Variants in PPAN observed in about 807,000 individuals in gnomAD.
The protein encoded by PPAN is peter pan homolog.
A neutral mutation model predicts 48.5 loss-of-function variants in PPAN; 39 were observed. The observed-to-expected ratio is 0.80, with a 90% CI of 0.62 to 1.05. The LOEUF (loss-of-function observed/expected upper bound fraction) is 1.05, where lower values mean the gene tolerates loss of function less well. Ranked by LOEUF, PPAN falls within the 50% of genes least tolerant of loss-of-function variation. The pLI, the probability that PPAN is intolerant of heterozygous loss-of-function variation, is 0.00. For synonymous variants in PPAN, 315 were observed against 268.6 expected (o/e 1.17, Z -1.69); for missense variants, 736 against 661.7 (o/e 1.11, Z -1.23).
Position 10,107,969 on chromosome 19 carries a change from G to T in PPAN, c.348G>T (p.Ser116=). The T allele has an allele frequency of 6.2e-7, 1 of 1,607,484 alleles. No individual in the cohort carries two copies. Among genetic ancestry groups the T allele is most frequent in the Non-Finnish European group, 8.5e-7 (1 of 1,176,080 alleles). ...TCCTCTCTCCTGTCCTACAGTACTC[G>T]CTGGTGCGTGATGTGGTCTCCTCAC... is the stretch of plus-strand genomic sequence containing the variant. ...PTLTFQVKKY[S]LVRDVVSSLR... is the part of the protein sequence containing the mutation. Residue 116 remains serine, a synonymous_variant, in exon 5 of 12, where the codon TCG becomes TCT. Transcript: ENST00000253107.
chr19:10,111,715 C>T lies in PPAN; in HGVS notation c.*550C>T, dbSNP rs768529774. ...AGCAGACACAGGCTGAGGATCGGCA[C>T]GGGAGCATGGCAGCCAACGTCTCGG... On this transcript the variant is annotated 3_prime_UTR_variant, in exon 12 of 12. Transcript: ENST00000253107. 2.5e-5 allele frequency: 41 copies of T among 1,613,370 alleles called. No individual in the cohort carries two copies. The highest frequency in any genetic ancestry group is 3.0e-5 in the Non-Finnish European group (35 of 1,179,818).
chr19:10,107,769 C>G (rs373532835), intron 3 of PPAN, 35 bp from the exon 4 acceptor site: 2 of 1,613,482 alleles, frequency 1.2e-6, no homozygotes, highest in Admixed American at 1.7e-5. Flanking sequence ...TCTGCTAGAC[C>G]CCTCCAGAGT....
chr19:10,108,115 C>G lies in PPAN; in HGVS notation c.494C>G (p.Pro165Arg). The G allele has an allele frequency of 3.7e-6, 6 of 1,611,828 alleles. No homozygotes were observed. The highest frequency in any genetic ancestry group is 5.1e-6 in the Non-Finnish European group (6 of 1,178,682). ...LMATMFQNLF[P>R]SINVHKVNLN... ...GCCACCATGTTCCAGAACCTGTTCC[C>G]CTCCATCAACGTGCACAAGGTGGGT... The change falls in exon 5 of 12, where the codon CCC becomes CGC. Residue 165 changes from proline to arginine, a missense_variant. Physicochemically the swap from Pro to Arg is moderately radical, Grantham distance 103. Transcript: ENST00000253107.
chr19:10,106,291 C>T (rs1227051103), upstream of PPAN: 2 of 1,523,810 alleles, frequency 1.3e-6, no homozygotes, highest in Admixed American at 2.1e-5. Flanking sequence ...GTGCGCAGGC[C>T]CGCCTGATGT....
intron 5 of PPAN, among the ~76,000 whole-genome samples, chr19:10,108,928 C>T (rs1012341855): frequency 2.0e-5 from 3 of 151,010 alleles, no homozygotes; most frequent in Non-Finnish European, 2.9e-5. Context: ...ATCAGGGAGG[C>T]TAATACGGCT....
intron 2 of PPAN, 107 bp downstream of exon 2, chr19:10,106,778 C>A: frequency 7.0e-7 from 1 of 1,424,922 alleles, no homozygotes; most frequent in Non-Finnish European, 9.2e-7. Flanking sequence ...GTCTCCCCAG[C>A]TGGAAAAAAA....
chr19:10,109,187 C>T (rs928703319), intron 5 of PPAN, among the ~76,000 whole-genome samples: 1 of 152,018 alleles, frequency 6.6e-6, no homozygotes, highest in Non-Finnish European at 1.5e-5. Context: ...TGGTCTTGAT[C>T]TGACCTCGTG....
chr19:10,108,195 G>T, intron 5 of PPAN, 61 bp downstream of exon 5: 1 of 1,546,382 alleles, frequency 6.5e-7, no homozygotes, highest in African/African-American at 1.4e-5. Context: ...GGTGCCACAG[G>T]CCCTCAGATG....
chr19:10,111,956 A>T lies in PPAN; in HGVS notation c.*791A>T, dbSNP rs2089096172. ...GAAACCCCGTCTCTACTAAAAATAA[A>T]AAAATTAGCTGGGCCTGGTGGCACA... is the stretch of plus-strand genomic sequence containing the variant. On this transcript the variant is annotated 3_prime_UTR_variant, in exon 12 of 12. Coordinates refer to ENST00000253107, the MANE Select transcript of PPAN (RefSeq NM_020230.7). The T allele has an allele frequency of 1.9e-6, 1 of 531,562 alleles. No homozygotes were observed. The highest frequency in any genetic ancestry group is 1.9e-5 in the African/African-American group (1 of 51,736). 32.9% of individuals were successfully genotyped at this position (531,562 alleles called of 1,614,324 possible).
Position 10,111,271 on chromosome 19 carries a change from A to G in PPAN, c.*106A>G. The stretch of plus-strand genomic sequence containing the variant: ...AAGGAGTTGTGTCCCCAGCCCTTCC[A>G]CTCCAGTAAAGAACTGAATTGGCCA... On this transcript the variant is annotated 3_prime_UTR_variant, in exon 12 of 12. Transcript: ENST00000253107. 1 of 1,278,916 alleles carries G rather than the reference A, an allele frequency of 7.8e-7. No individual in the cohort carries two copies. The highest frequency in any genetic ancestry group is 1.0e-6 in the Non-Finnish European group (1 of 956,212). 79.2% of individuals were successfully genotyped at this position (1,278,916 alleles called of 1,614,324 possible). A position where few individuals can be genotyped will look rare whatever the true frequency, so the allele number is the denominator to read the frequency against.
intron 5 of PPAN, among the ~76,000 whole-genome samples, chr19:10,108,385 G>A (rs575885413): frequency 6.6e-6 from 1 of 152,242 alleles, no homozygotes; most frequent in East Asian, 1.9e-4. Context: ...ATGGAGCTCT[G>A]TTTCCCACGT....
In PPAN at chr19:10,109,708, G is replaced by C. The variant is rs1489077098; in HGVS notation, c.590+1G>C. 6.2e-7 allele frequency: 1 copy of C among 1,613,666 alleles called. No homozygotes were observed. The highest frequency in any genetic ancestry group is 8.5e-7 in the Non-Finnish European group (1 of 1,179,776). On this transcript the variant is annotated splice_donor_variant, in intron 6 of 11. Transcript: ENST00000253107. LOFTEE classifies it high-confidence loss of function. ...CCCAGGAGCTGGACTTCCGCCACTA[G>C]TGAGTGTCCCAGCAGGATGGGAGAC...
Position 10,111,248 on chromosome 19 carries a change from G to C in PPAN, c.*83G>C. ...GTGGCCCTCGGTTTCCTTTCATAAA[G>C]GAGTTGTGTCCCCAGCCCTTCCACT... On this transcript the variant is annotated 3_prime_UTR_variant, in exon 12 of 12. Transcript: ENST00000253107. The C allele has an allele frequency of 7.2e-7, 1 of 1,389,182 alleles. No homozygotes were observed. Among genetic ancestry groups the C allele is most frequent in the Non-Finnish European group, 9.5e-7 (1 of 1,051,496 alleles). The allele number at this position is 1,389,182 out of a possible 1,614,324, so 86.1% of individuals were successfully genotyped here.
chr19:10,109,615 C>T lies in PPAN; in HGVS notation c.514-16C>T, dbSNP rs761468342. 5 of 1,610,296 alleles carry T rather than the reference C, an allele frequency of 3.1e-6. No homozygotes were observed. The South Asian group carries it at 3.3e-5, about 11-fold the overall frequency. On this transcript the variant is annotated splice_polypyrimidine_tract_variant and intron_variant, in intron 5 of 11. Coordinates refer to ENST00000253107, the MANE Select transcript of PPAN (RefSeq NM_020230.7). ...CCATGAGTCTACTGGACTATGCTCT[C>T]TTCCTCCCCTTCCAGGTGAACCTGA...
At position 10,111,773 on chromosome 19, in the gene PPAN, G is replaced by A. The variant is rs767811914; in HGVS notation, c.*608G>A. 11 of 1,612,914 alleles carry A rather than the reference G, an allele frequency of 6.8e-6. No homozygotes were observed. Among genetic ancestry groups the A allele is most frequent in the Non-Finnish European group, 9.3e-6 (11 of 1,179,462 alleles). On this transcript the variant is annotated 3_prime_UTR_variant, in exon 12 of 12. Coordinates refer to ENST00000253107, the MANE Select transcript of PPAN (RefSeq NM_020230.7). Reference sequence around the variant, plus strand: ...GAAGGCATGTTGGCTGTCTCTGGGGGTCTGCAGATTGTCAGGAGGTGGGGG... The same window carrying A: ...GAAGGCATGTTGGCTGTCTCTGGGGATCTGCAGATTGTCAGGAGGTGGGGG...
At chr19:10,108,226 G>A (rs1418379920) in intron 5 of PPAN, 92 bp downstream of exon 5, 39 of 1,488,438 alleles carry the variant, frequency 2.6e-5, no homozygotes, top group Non-Finnish European at 2.7e-5. Context: ...TCCTCCCAGC[G>A]CTGAGACTGG....
intron 5 of PPAN, 68 bp downstream of exon 5, chr19:10,108,202 G>A: frequency 6.5e-7 from 1 of 1,542,280 alleles, no homozygotes; most frequent in Non-Finnish European, 8.7e-7. Context: ...CAGGCCCTCA[G>A]ATGGATTGCT....
At chr19:10,107,921 A>G (rs1201660628) in intron 4 of PPAN, 43 bp from the exon 5 acceptor site, 1 of 1,600,970 alleles carries the variant, frequency 6.2e-7, no homozygotes, top group Non-Finnish European at 8.5e-7. Context: ...GTCCGCAGCC[A>G]TGTGTGGTTG....
At position 10,110,775 on chromosome 19, in the gene PPAN, G is replaced by GGC. The variant is rs764104918; in HGVS notation, c.1112_1113dup (p.Ser372ArgfsTer142). 6.2e-7 allele frequency: 1 copy of GGC among 1,613,970 alleles called. No individual in the cohort carries two copies. Among genetic ancestry groups the GGC allele is most frequent in the Non-Finnish European group, 8.5e-7 (1 of 1,179,974 alleles). ...AGGCCTCTGGGATCCCTTCAAGGAC[G>GGC]GCGAGCCTGGAGTTGGGTGAGGACG... On this transcript the variant is annotated frameshift_variant, in exon 11 of 12. Coordinates refer to ENST00000253107, the MANE Select transcript of PPAN (RefSeq NM_020230.7). LOFTEE classifies it high-confidence loss of function. This position sits in a 1 kb window ranked among gnomAD's most constrained non-coding sequence, Gnocchi z 5.9.
Sources: allele counts gnomAD v4.1 joint callset (sites outside exome capture counted in the v4.1 genomes callset), GRCh38; gene constraint gnomAD v4.1.1; non-coding constraint Gnocchi (gnomAD v3.1); transcripts MANE v1.5; gene names NCBI Gene and HGNC (gene_info 2026-07-23, HGNC 2026-07-21).